BMAL1: variants seen among roughly 807,000 people sequenced by gnomAD.
BMAL1 encodes the protein basic helix-loop-helix ARNT like 1.
At chr11:13,384,336 A>T in the BMAL1 span, among the ~76,000 whole-genome samples, 1 of 152,210 alleles carries the variant, frequency 6.6e-6, no homozygotes, top group Non-Finnish European at 1.5e-5. Flanking sequence ...GAAATGTGTC[A>T]ATATATAGAA....
the BMAL1 span, among the ~76,000 whole-genome samples, chr11:13,306,198 C>T: frequency 1.3e-3 from 193 of 151,796 alleles, 1 homozygote; most frequent in African/African-American, 4.4e-3. Flanking sequence ...GCAAGGGCTC[C>T]GTTCTGTAGG....
chr11:13,289,295 C>G, the BMAL1 span, among the ~76,000 whole-genome samples: 3 of 152,200 alleles, frequency 2.0e-5, no homozygotes, highest in Admixed American at 6.5e-5. Flanking sequence ...TCCCCTACCT[C>G]CAGGGCATGT....
the BMAL1 span, among the ~76,000 whole-genome samples, chr11:13,292,702 C>T: frequency 2.0e-5 from 3 of 152,134 alleles, no homozygotes; most frequent in South Asian, 6.2e-4. Flanking sequence ...GGCACAATGG[C>T]TGAAACCAGG....
At chr11:13,315,319 C>T in the BMAL1 span, among the ~76,000 whole-genome samples, 1 of 152,218 alleles carries the variant, frequency 6.6e-6, no homozygotes, top group East Asian at 1.9e-4. Flanking sequence ...TGGCCTGCCT[C>T]CTCCTCAGAA....
chr11:13,328,092 C>T, the BMAL1 span, among the ~76,000 whole-genome samples: 1 of 152,156 alleles, frequency 6.6e-6, no homozygotes, highest in African/African-American at 2.4e-5. Flanking sequence ...GAGAACTGGC[C>T]TGGCCATTTT....
chr11:13,386,560 AAG>A, the BMAL1 span: 1 of 1,509,894 alleles, frequency 6.6e-7, no homozygotes, highest in African/African-American at 1.4e-5. Context: ...TGCTTTAAAA[AAG>A]AAATCACTGA....
At chr11:13,320,751 A>T in the BMAL1 span, among the ~76,000 whole-genome samples, 1 of 152,230 alleles carries the variant, frequency 6.6e-6, no homozygotes, top group African/African-American at 2.4e-5. Flanking sequence ...GAAGGCTACC[A>T]TGTAAACCCA....
At chr11:13,281,309 C>G in the BMAL1 span, among the ~76,000 whole-genome samples, 1 of 152,238 alleles carries the variant, frequency 6.6e-6, no homozygotes, top group Admixed American at 6.5e-5. Context: ...ACTTGGTACC[C>G]TGGGTTCGTA....
the BMAL1 span, among the ~76,000 whole-genome samples, chr11:13,351,938 C>A: frequency 1.3e-5 from 2 of 152,108 alleles, no homozygotes; most frequent in South Asian, 4.1e-4. Context: ...GGATGGTATT[C>A]AAGTAAGTTT....
the BMAL1 span, among the ~76,000 whole-genome samples, chr11:13,286,410 G>A: frequency 1.5e-3 from 225 of 152,290 alleles, no homozygotes; most frequent in Non-Finnish European, 2.8e-3. Flanking sequence ...AGAGGCCTGG[G>A]CTCCAGACTG....
the BMAL1 span, chr11:13,386,469 A>G: frequency 1.9e-6 from 2 of 1,028,414 alleles, no homozygotes; most frequent in Non-Finnish European, 2.7e-6. Context: ...CATGCAGCCC[A>G]AAAAGCAGCA....
At chr11:13,379,103 G>GA in the BMAL1 span, 1 of 152,210 alleles carries the variant, frequency 6.6e-6, no homozygotes, top group Non-Finnish European at 1.5e-5. Flanking sequence ...ACCATAAAAA[G>GA]AAAGCACTAT....
the BMAL1 span, among the ~76,000 whole-genome samples, chr11:13,288,398 CT>C: frequency 3.3e-4 from 7 of 21,182 alleles, no homozygotes; most frequent in African/African-American, 8.2e-4. Context: ...TTTCTTTTTT[CT>C]TTCTTTCTTT....
At chr11:13,358,963 A>G in the BMAL1 span, among the ~76,000 whole-genome samples, 513 of 152,356 alleles carry the variant, frequency 3.4e-3, 12 homozygotes, top group Non-Finnish European at 9.1e-4. Flanking sequence ...GTAGGTGCAC[A>G]CAGTGACACA....
At chr11:13,383,312 G>GA in the BMAL1 span, among the ~76,000 whole-genome samples, 10 of 152,198 alleles carry the variant, frequency 6.6e-5, no homozygotes, top group Non-Finnish European at 1.0e-4. Context: ...TCCAGAAAGA[G>GA]AGGGGGCACA....
chr11:13,386,241 TTTG>T, the BMAL1 span, among the ~76,000 whole-genome samples: 6 of 152,260 alleles, frequency 3.9e-5, no homozygotes, highest in Non-Finnish European at 8.8e-5. Context: ...TGCCTTTCTT[TTTG>T]TAACTCCTCT....
the BMAL1 span, among the ~76,000 whole-genome samples, chr11:13,330,852 G>A: frequency 5.3e-5 from 8 of 152,232 alleles, no homozygotes; most frequent in Non-Finnish European, 1.0e-4. Context: ...ATCTCGCTGA[G>A]CCTAAACCTG....
At chr11:13,282,509 G>A in the BMAL1 span, among the ~76,000 whole-genome samples, 3 of 152,164 alleles carry the variant, frequency 2.0e-5, no homozygotes, top group Admixed American at 1.3e-4. Context: ...CATGTGCCTG[G>A]ACACTGTAGT....
At chr11:13,348,446 C>G in the BMAL1 span, among the ~76,000 whole-genome samples, 749 of 152,094 alleles carry the variant, frequency 4.9e-3, 7 homozygotes, top group African/African-American at 0.017. Context: ...GAGACGACAG[C>G]AGACTGAACA....
Sources: allele counts gnomAD v4.1 joint callset (sites outside exome capture counted in the v4.1 genomes callset), GRCh38; gene constraint gnomAD v4.1.1; transcripts MANE v1.5; gene names NCBI Gene and HGNC (gene_info 2026-07-23, HGNC 2026-07-21).